Variants in ROCK2 observed in about 807,000 individuals in gnomAD.
ROCK2 encodes rho-associated protein kinase 2.
Under a neutral mutation model 195.1 loss-of-function variants are expected in ROCK2, and 61 were observed. That is an observed-to-expected ratio of 0.31 (90% confidence interval 0.25 to 0.39). ROCK2 has a LOEUF of 0.39. ROCK2 is among the 10% of genes least tolerant of loss of function. ROCK2 has a pLI of 1.00. For synonymous variants in ROCK2, 504 were observed against 545.5 expected (o/e 0.92, Z 1.06); for missense variants, 1,109 against 1,637.4 (o/e 0.68, Z 5.57).
chr2:11,340,490 C>CT (rs1227358469), intron 1 of ROCK2, among the ~76,000 whole-genome samples: 1 of 151,996 alleles, frequency 6.6e-6, no homozygotes, highest in African/African-American at 2.4e-5. Flanking sequence ...TAAATATCTC[C>CT]TATCAACATG....
intron 1 of ROCK2, among the ~76,000 whole-genome samples, chr2:11,318,004 G>A (rs1032340554): frequency 6.6e-6 from 1 of 152,028 alleles, no homozygotes; most frequent in Admixed American, 6.6e-5. Flanking sequence ...TCTTAATCCA[G>A]TCTATCATTG....
chr2:11,344,398 T>A lies in ROCK2; in HGVS notation c.-262A>T, dbSNP rs1669218571. The stretch of plus-strand genomic sequence containing the variant: ...ACGGCGTCCCCGCCCCTCAGTCAGA[T>A]TCGCGCCGCCGGTCCGCTGGTCCTC... On this transcript the variant is annotated 5_prime_UTR_variant, in exon 1 of 33. Coordinates refer to ENST00000315872, the MANE Select transcript of ROCK2 (RefSeq NM_004850.5). The surrounding 1 kb of genome is among the most constrained non-coding windows in gnomAD (Gnocchi z 5.4). 1 of 1,102,026 alleles carries A rather than the reference T, an allele frequency of 9.1e-7. No homozygotes were observed. The allele number at this position is 1,102,026 out of a possible 1,614,324, so 68.3% of individuals were successfully genotyped here.
intron 1 of ROCK2, among the ~76,000 whole-genome samples, chr2:11,302,942 C>A (rs1020911836): frequency 1.3e-5 from 2 of 152,098 alleles, no homozygotes; most frequent in African/African-American, 4.8e-5. Context: ...TTGGACCACC[C>A]AAACTTTCAC....
At chr2:11,194,401 T>C (rs1236823972) in intron 28 of ROCK2, 57 bp from the exon 29 acceptor site, 6 of 615,292 alleles carry the variant, frequency 9.8e-6, no homozygotes, top group African/African-American at 7.7e-5. Context: ...ACCTTATTTA[T>C]TGATTTTTTT....
chr2:11,318,211 T>C (rs1291618809), intron 1 of ROCK2, among the ~76,000 whole-genome samples: 3 of 152,208 alleles, frequency 2.0e-5, no homozygotes, highest in Non-Finnish European at 4.4e-5. Flanking sequence ...ATGGTTGAAC[T>C]AGTTTACAGT....
Position 11,215,582 on chromosome 2 carries a change from G to C in ROCK2, c.1525C>G (p.Gln509Glu). Reference protein sequence around the residue: ...RQLEREKALLQHKNAEYQRKA... With the variant: ...RQLEREKALLEHKNAEYQRKA... ...CTCTGATATTCTGCATTTTTGTGCTGAAGAAGCGCCTTTTCTCTTTCTAAC... is the reference window on the plus strand; with the variant it reads ...CTCTGATATTCTGCATTTTTGTGCTCAAGAAGCGCCTTTTCTCTTTCTAAC... The change falls in exon 14 of 33, where the codon CAG becomes GAG. Residue 509 changes from glutamine (Q) to glutamate (E), a missense_variant. Around this residue, in one of 6 missense-constraint regions of ROCK2, gnomAD observed 542 missense variants for 672.0 expected, o/e 0.81. Coordinates refer to ENST00000315872, the MANE Select transcript of ROCK2 (RefSeq NM_004850.5). The C allele has an allele frequency of 6.2e-7, 1 of 1,613,472 alleles. No homozygotes were observed. The highest frequency in any genetic ancestry group is 8.5e-7 in the Non-Finnish European group (1 of 1,179,772).
chr2:11,344,076 C>A lies in ROCK2; in HGVS notation c.61G>T (p.Gly21Trp), dbSNP rs199520770. 1.3e-4 allele frequency: 203 copies of A among 1,550,206 alleles called. No individual in the cohort carries two copies. Among genetic ancestry groups the A allele is most frequent in the Non-Finnish European group, 1.6e-4 (179 of 1,153,702 alleles). The change falls in exon 1 of 33, where the codon GGG becomes TGG. Residue 21 changes from glycine (G) to tryptophan (W), a missense_variant. Gly to Trp is a radical substitution (Grantham distance 184). Coordinates refer to ENST00000315872, the MANE Select transcript of ROCK2 (RefSeq NM_004850.5). The surrounding 1 kb of genome is among the most constrained non-coding windows in gnomAD (Gnocchi z 5.4). Reference sequence around the variant, plus strand: ...TTCCTCTGGCGGCTCGCGCCTGCCCCGTCCCCCGGCGCGGTCTCGGGGGCG... The same window carrying A: ...TTCCTCTGGCGGCTCGCGCCTGCCCAGTCCCCCGGCGCGGTCTCGGGGGCG... ...PGAPETAPGD[G>W]AGASRQRKLE...
chr2:11,192,247 G>A lies in ROCK2; in HGVS notation c.4064C>T (p.Pro1355Leu). ...AGGAGATGATCGGGCAAAAGGGTCTGGAGCTGGGGGCTTTTTAGGTATCTT... is the reference window on the plus strand; with the variant it reads ...AGGAGATGATCGGGCAAAAGGGTCTAGAGCTGGGGGCTTTTTAGGTATCTT... ...VKKIPKKPPAPDPFARSSPRT... is the reference protein window; with the variant it reads ...VKKIPKKPPALDPFARSSPRT... Residue 1355 changes from proline (P) to leucine (L), a missense_variant, in exon 32 of 33, where the codon CCA becomes CTA. Physicochemically the swap from Pro to Leu is moderately conservative, Grantham distance 98. Transcript: ENST00000315872. The surrounding 1 kb of genome is among the most constrained non-coding windows in gnomAD (Gnocchi z 5.0). 1 of 1,613,940 alleles carries A rather than the reference G, an allele frequency of 6.2e-7. No individual in the cohort carries two copies. The highest frequency in any genetic ancestry group is 8.5e-7 in the Non-Finnish European group (1 of 1,179,928).
intron 3 of ROCK2, among the ~76,000 whole-genome samples, chr2:11,263,552 A>G (rs2148150634): frequency 6.6e-6 from 1 of 151,610 alleles, no homozygotes; most frequent in South Asian, 2.1e-4. Flanking sequence ...CCTGATGTAA[A>G]TGCCAAAAGT....
chr2:11,291,123 G>A (rs775999472), intron 1 of ROCK2, among the ~76,000 whole-genome samples: 11 of 152,104 alleles, frequency 7.2e-5, no homozygotes, highest in Non-Finnish European at 1.3e-4. Context: ...ATTATTATGA[G>A]GGAAAAAATA....
At chr2:11,238,162 G>T (rs888810330) in intron 4 of ROCK2, among the ~76,000 whole-genome samples, 1 of 147,276 alleles carries the variant, frequency 6.8e-6, no homozygotes, top group East Asian at 2.0e-4. Context: ...ATGAAGAGAA[G>T]GAAGAAATAG....
chr2:11,266,773 G>T (rs1012740146), intron 3 of ROCK2, among the ~76,000 whole-genome samples: 1 of 152,046 alleles, frequency 6.6e-6, no homozygotes, highest in African/African-American at 2.4e-5. Flanking sequence ...TTATTTTAAA[G>T]AATCTCTACA....
At chr2:11,222,031 T>A (rs1294369840) in intron 8 of ROCK2, 52 bp downstream of exon 8, 4 of 1,078,902 alleles carry the variant, frequency 3.7e-6, no homozygotes, top group Non-Finnish European at 5.7e-6. Context: ...AGGAATCAAC[T>A]TATGAGTTTC....
chr2:11,268,522 CTGTGTGTGTGTGTGTG>C (rs70953378), intron 3 of ROCK2, among the ~76,000 whole-genome samples: 1 of 140,554 alleles, frequency 7.1e-6, no homozygotes, highest in Non-Finnish European at 1.6e-5. Flanking sequence ...CAGTTTTGCA[CTGTGTGTGTGTGTGTG>C]TGTGTGTGTG....
intron 1 of ROCK2, among the ~76,000 whole-genome samples, chr2:11,324,596 T>TA (rs979488452): frequency 6.6e-5 from 10 of 152,174 alleles, no homozygotes; most frequent in Non-Finnish European, 1.5e-4. Flanking sequence ...TATTCAGCAC[T>TA]AAAAAGAAAT....
intron 12 of ROCK2, 90 bp downstream of exon 12, chr2:11,217,000 G>A: frequency 3.1e-6 from 2 of 653,216 alleles, no homozygotes; most frequent in South Asian, 1.8e-5. Context: ...GGGATTACAG[G>A]TGTGAGCCAC....
chr2:11,193,509 C>CA (rs1266560191), intron 30 of ROCK2, among the ~76,000 whole-genome samples: 1 of 151,956 alleles, frequency 6.6e-6, no homozygotes, highest in African/African-American at 2.4e-5. Context: ...CAACCTTAAA[C>CA]AAAAATATAG....
rs370526923 is a variant in ROCK2, at chr2:11,245,430, A to G, written c.462+4231T>C. Among the ~76,000 whole-genome samples, 97 of 152,248 alleles carry G rather than the reference A, an allele frequency of 6.4e-4. 4 individuals carry two copies. In the South Asian group the frequency reaches 0.019, roughly 31 times the overall value. ...CTAGTAAAAATTTAAAATAGTTACA[A>G]TATCAAGTATTTGCTAAAACTGTGG... On this transcript the variant is annotated intron_variant, in intron 4 of 32. Coordinates refer to ENST00000315872, the MANE Select transcript of ROCK2 (RefSeq NM_004850.5).
intron 1 of ROCK2, among the ~76,000 whole-genome samples, chr2:11,336,458 C>G (rs1489169266): frequency 6.6e-6 from 1 of 152,112 alleles, no homozygotes; most frequent in African/African-American, 2.4e-5. Context: ...ACCATGTTGC[C>G]CAGGCTGGTC....
Sources: allele counts gnomAD v4.1 joint callset (sites outside exome capture counted in the v4.1 genomes callset), GRCh38; gene constraint gnomAD v4.1.1; regional missense constraint gnomAD v4.1.1; non-coding constraint Gnocchi (gnomAD v3.1); transcripts MANE v1.5; gene names NCBI Gene and HGNC (gene_info 2026-07-23, HGNC 2026-07-21).